Variants in CNTNAP5 observed in about 807,000 individuals in gnomAD.
CNTNAP5 encodes contactin-associated protein-like 5.
Under a neutral mutation model 150.2 loss-of-function variants are expected in CNTNAP5, and 72 were observed. That is an observed-to-expected ratio of 0.48 (90% confidence interval 0.40 to 0.58). CNTNAP5 has a LOEUF of 0.58. CNTNAP5 is among the 20% of genes least tolerant of loss of function. The pLI, the probability that CNTNAP5 is intolerant of heterozygous loss-of-function variation, is 0.00. For synonymous variants in CNTNAP5, 672 were observed against 619.8 expected (o/e 1.08, Z -1.25); for missense variants, 1,636 against 1,626.2 (o/e 1.01, Z -0.10).
chr2:124,546,788 A>T (rs1695521598), intron 10 of CNTNAP5, among the ~76,000 whole-genome samples: 1 of 152,168 alleles, frequency 6.6e-6, no homozygotes, highest in African/African-American at 2.4e-5. Context: ...TTGTACAAAC[A>T]AATTTTCAGC....
intron 1 of CNTNAP5, among the ~76,000 whole-genome samples, chr2:124,083,789 CTTCT>C (rs773964450): frequency 1.1e-4 from 17 of 151,332 alleles, no homozygotes; most frequent in East Asian, 5.8e-4. Context: ...TCCAGCTTTC[CTTCT>C]TTCTTTCTCA....
chr2:124,384,928 G>T (rs1159582987), intron 3 of CNTNAP5, among the ~76,000 whole-genome samples: 1 of 152,144 alleles, frequency 6.6e-6, no homozygotes, highest in Non-Finnish European at 1.5e-5. Flanking sequence ...GTGCAGACAG[G>T]TTGAACAATC....
chr2:124,848,515 CA>C (rs1683094839), intron 19 of CNTNAP5, among the ~76,000 whole-genome samples: 1 of 151,972 alleles, frequency 6.6e-6, no homozygotes, highest in Non-Finnish European at 1.5e-5. Context: ...GATATATATC[CA>C]GAAGTAGGAT....
chr2:124,046,443 A>AAC (rs1553432337), intron 1 of CNTNAP5, among the ~76,000 whole-genome samples: 1 of 151,608 alleles, frequency 6.6e-6, no homozygotes, highest in Non-Finnish European at 1.5e-5. Flanking sequence ...GAAAAAAAAA[A>AAC]AAAAAACAGA....
At chr2:124,175,631 T>C (rs578115932) in intron 1 of CNTNAP5, among the ~76,000 whole-genome samples, 1 of 152,240 alleles carries the variant, frequency 6.6e-6, no homozygotes, top group Non-Finnish European at 1.5e-5. Context: ...CTCATCTTTA[T>C]GGACACCACA....
intron 13 of CNTNAP5, among the ~76,000 whole-genome samples, chr2:124,651,075 G>A (rs1678310895): frequency 6.6e-6 from 1 of 152,172 alleles, no homozygotes; most frequent in South Asian, 2.1e-4. Context: ...CCGTTTCCCA[G>A]CGATAGATAC....
At chr2:124,850,943 G>A (rs1367269206) in intron 19 of CNTNAP5, among the ~76,000 whole-genome samples, 1 of 152,158 alleles carries the variant, frequency 6.6e-6, no homozygotes, top group East Asian at 1.9e-4. Context: ...GTAGCTTAGG[G>A]TTAAAATCTG....
intron 13 of CNTNAP5, among the ~76,000 whole-genome samples, chr2:124,685,504 T>C (rs1573546792): frequency 6.6e-6 from 1 of 152,138 alleles, no homozygotes; most frequent in African/African-American, 2.4e-5. Flanking sequence ...ATAGTTACAT[T>C]TGGTGATTGT....
intron 11 of CNTNAP5, among the ~76,000 whole-genome samples, chr2:124,590,864 G>A (rs189079381): frequency 6.6e-6 from 1 of 152,162 alleles, no homozygotes; most frequent in Non-Finnish European, 1.5e-5. Context: ...GAAAAGGTGA[G>A]GTCTAAATAA....
At chr2:124,691,727 T>C (rs1274091620) in intron 13 of CNTNAP5, among the ~76,000 whole-genome samples, 1 of 152,032 alleles carries the variant, frequency 6.6e-6, no homozygotes, top group Non-Finnish European at 1.5e-5. Context: ...TTTTCTTCAA[T>C]TAGACCATGA....
At chr2:124,189,736 C>T (rs923619575) in intron 1 of CNTNAP5, among the ~76,000 whole-genome samples, 2 of 152,170 alleles carry the variant, frequency 1.3e-5, no homozygotes, top group African/African-American at 4.8e-5. Flanking sequence ...ATTGGCAAGA[C>T]TTTTGTTGGC....
At chr2:124,395,708 A>G (rs939562507) in intron 3 of CNTNAP5, among the ~76,000 whole-genome samples, 1 of 152,146 alleles carries the variant, frequency 6.6e-6, no homozygotes, top group African/African-American at 2.4e-5. Context: ...ATGGCATGTT[A>G]CTTAGAATAA....
chr2:124,413,317 T>G (rs371153758), intron 3 of CNTNAP5, among the ~76,000 whole-genome samples: 5 of 151,412 alleles, frequency 3.3e-5, no homozygotes, highest in African/African-American at 7.3e-5. Context: ...GTGGAAGTCA[T>G]TGTGGCGATT....
At chr2:124,492,514 G>A (rs1279485492) in intron 7 of CNTNAP5, among the ~76,000 whole-genome samples, 1 of 152,058 alleles carries the variant, frequency 6.6e-6, no homozygotes, top group African/African-American at 2.4e-5. Context: ...GAAATGTGGT[G>A]CTTTCAGCTT....
At chr2:124,296,376 G>A (rs921478833) in intron 3 of CNTNAP5, among the ~76,000 whole-genome samples, 3 of 152,166 alleles carry the variant, frequency 2.0e-5, no homozygotes, top group Non-Finnish European at 4.4e-5. Context: ...TTAACTGCCC[G>A]CAAATGGCCC....
intron 19 of CNTNAP5, among the ~76,000 whole-genome samples, chr2:124,847,256 G>T (rs1036667140): frequency 1.3e-5 from 2 of 152,126 alleles, no homozygotes; most frequent in Non-Finnish European, 2.9e-5. Flanking sequence ...GGCTTTCTGA[G>T]TTCAGCCTCT....
intron 6 of CNTNAP5, among the ~76,000 whole-genome samples, chr2:124,461,973 A>G (rs1693267069): frequency 6.6e-6 from 1 of 152,026 alleles, no homozygotes; most frequent in South Asian, 2.1e-4. Context: ...CTAAGAAAAA[A>G]AATAAAATAA....
chr2:124,144,264 A>C (rs201395056), intron 1 of CNTNAP5, among the ~76,000 whole-genome samples: 810 of 23,656 alleles, frequency 0.034, 15 homozygotes, highest in South Asian at 0.12. Flanking sequence ...GCTACCAATG[A>C]CTTTCTTCAC....
chr2:124,420,761 C>T (rs572206583), intron 4 of CNTNAP5, among the ~76,000 whole-genome samples: 27 of 152,226 alleles, frequency 1.8e-4, no homozygotes, highest in African/African-American at 6.5e-4. Context: ...TTCCAGCTTC[C>T]CCTTCTTGAT....
Sources: gnomAD v4.1 joint callset for allele counts (sites outside exome capture counted in the v4.1 genomes callset) on GRCh38, gnomAD v4.1.1 for gene constraint, MANE v1.5 for transcripts, NCBI Gene and HGNC (gene_info 2026-07-23, HGNC 2026-07-21) for gene names.